The following PTPRN2 variants were observed in gnomAD, a reference collection of about 807,000 sequenced individuals.
The protein encoded by PTPRN2 is protein tyrosine phosphatase receptor type N2.
PTPRN2 carries 74 observed loss-of-function variants against 118.8 expected under a neutral mutation model. The observed-to-expected ratio is 0.62, with a 90% CI of 0.52 to 0.76. The LOEUF is 0.76. Ranked by LOEUF, PTPRN2 falls within the 30% of genes least tolerant of loss-of-function variation. The pLI is 0.00. For missense variants in PTPRN2, 1,481 were observed against 1,394.4 expected (o/e 1.06, Z -0.99); for synonymous variants, 641 against 608.0 (o/e 1.05, Z -0.80).
intron 3 of PTPRN2, among the ~76,000 whole-genome samples, chr7:158,212,931 T>C (rs1585866076): frequency 6.6e-6 from 1 of 152,166 alleles, no homozygotes; most frequent in East Asian, 1.9e-4. Flanking sequence ...AAGGGTGAAG[T>C]AGTTATGAAG....
chr7:157,873,683 C>T (rs1281360246), intron 12 of PTPRN2, among the ~76,000 whole-genome samples: 2 of 149,780 alleles, frequency 1.3e-5, no homozygotes, highest in Admixed American at 1.3e-4. Context: ...AGGTCTGTCT[C>T]GTCGTGGGGG....
At chr7:158,168,776 C>T (rs942781005) in intron 5 of PTPRN2, among the ~76,000 whole-genome samples, 13 of 152,166 alleles carry the variant, frequency 8.5e-5, no homozygotes, top group Admixed American at 7.9e-4. Flanking sequence ...AGGACATGTC[C>T]TCATCACACT....
intron 11 of PTPRN2, among the ~76,000 whole-genome samples, chr7:158,023,655 G>C (rs1807066210): frequency 6.6e-6 from 1 of 152,142 alleles, no homozygotes; most frequent in African/African-American, 2.4e-5. Context: ...TAGAGACCCT[G>C]AGCTTGCATT....
Position 157,621,416 on chromosome 7 carries a change from C to G in PTPRN2, c.2290G>C (p.Val764Leu). 8 of 1,614,118 alleles carry G rather than the reference C, an allele frequency of 5.0e-6. No homozygotes were observed. The highest frequency in any genetic ancestry group is 1.3e-5 in the African/African-American group (1 of 75,078). The change falls in exon 15 of 23, where the codon GTG (valine) becomes CTG (leucine). Residue 764 changes from valine to leucine, a missense_variant. Physicochemically the swap from Val to Leu is conservative, Grantham distance 32. Around this residue, in one of 3 missense-constraint regions of PTPRN2, gnomAD observed 362 missense variants for 384.1 expected, o/e 0.94. Coordinates refer to ENST00000389418, the MANE Select transcript of PTPRN2 (RefSeq NM_002847.5). ...AYQAEPNSSF[V>L]AQREENVPKN... ...GGCACGTTCTCCTCCCTCTGGGCCA[C>G]GAACGAGCTGTTGGGCTCCGCCTGG...
chr7:158,504,939 T>C (rs1822637213), intron 1 of PTPRN2, among the ~76,000 whole-genome samples: 1 of 152,246 alleles, frequency 6.6e-6, no homozygotes, highest in Admixed American at 6.5e-5. Flanking sequence ...GGTATATATG[T>C]AAGACTTTCA....
rs5888720 is a variant in PTPRN2, at chr7:157,549,322, CTT to C, written c.2903-305_2903-304del. Reference sequence around the variant, plus strand: ...GTACTGGTTTTCTTTTCTTTCTTTTCTTTTTTTTTTTTTTTGTGACACTTCAG... The same window carrying C: ...GTACTGGTTTTCTTTTCTTTCTTTTCTTTTTTTTTTTTTGTGACACTTCAG... On this transcript the variant is annotated intron_variant, in intron 21 of 22. Coordinates refer to ENST00000389418, the MANE Select transcript of PTPRN2 (RefSeq NM_002847.5). Among the ~76,000 whole-genome samples the C allele has an allele frequency of 6.5e-4, 90 of 139,470 alleles. 1 individual carries two copies. The highest frequency in any genetic ancestry group is 8.4e-4 in the Non-Finnish European group (54 of 64,050). 91.5% of individuals were successfully genotyped at this position (139,470 alleles called of 152,430 possible).
intron 13 of PTPRN2, among the ~76,000 whole-genome samples, chr7:157,660,405 C>T (rs1471389102): frequency 6.6e-6 from 1 of 152,128 alleles, no homozygotes; most frequent in Non-Finnish European, 1.5e-5. Context: ...GGACTGAGGT[C>T]CCTGCTGCAC....
intron 2 of PTPRN2, among the ~76,000 whole-genome samples, chr7:158,441,453 G>T (rs2129434218): frequency 6.7e-6 from 1 of 148,660 alleles, no homozygotes; most frequent in South Asian, 2.1e-4. Context: ...TGGTGGCAGT[G>T]GTGGTGATAG....
At chr7:158,106,188 T>A (rs368533577) in intron 10 of PTPRN2, among the ~76,000 whole-genome samples, 1 of 151,864 alleles carries the variant, frequency 6.6e-6, no homozygotes, top group Admixed American at 6.6e-5. Context: ...CCCTGATCTA[T>A]CTTAGCTCTA....
At chr7:157,685,842 T>A (rs1386996783) in intron 12 of PTPRN2, among the ~76,000 whole-genome samples, 1 of 152,116 alleles carries the variant, frequency 6.6e-6, no homozygotes, top group Non-Finnish European at 1.5e-5. Context: ...GGAGCCCCAG[T>A]GCCCTGGAGT....
chr7:158,307,057 G>C (rs184058491), intron 3 of PTPRN2, among the ~76,000 whole-genome samples: 1 of 151,930 alleles, frequency 6.6e-6, no homozygotes, highest in Non-Finnish European at 1.5e-5. Flanking sequence ...AGTAGAGACG[G>C]GGTTTCACCA....
intron 10 of PTPRN2, 80 bp downstream of exon 10, chr7:158,110,749 C>T: frequency 7.7e-7 from 1 of 1,303,034 alleles, no homozygotes; most frequent in Non-Finnish European, 1.1e-6. Context: ...GAGCCATGGG[C>T]TCGCAGCTCC....
chr7:158,396,400 C>CTG (rs371326690), intron 2 of PTPRN2, among the ~76,000 whole-genome samples: 96 of 152,158 alleles, frequency 6.3e-4, no homozygotes, highest in East Asian at 9.7e-4. Flanking sequence ...GAGGTGAAGT[C>CTG]TGTGTGTGTG....
At chr7:157,950,773 G>A (rs2241749) in intron 11 of PTPRN2, among the ~76,000 whole-genome samples, 35,421 of 151,962 alleles carry the variant, frequency 0.23, 5,968 homozygotes, top group East Asian at 0.46. Context: ...ATCGGATGCT[G>A]GAAGCTGTGA....
rs1810857771 is a variant in PTPRN2, at chr7:157,868,503, T to G, written c.1788+30170A>C. On this transcript the variant is annotated intron_variant, in intron 12 of 22. Coordinates refer to ENST00000389418, the MANE Select transcript of PTPRN2 (RefSeq NM_002847.5). This position sits in a 1 kb window ranked among gnomAD's most constrained non-coding sequence, Gnocchi z 5.2. ...CAGGGCTGCGCTGCTGTCTTCCAGG[T>G]CCTCCCTGGTTTAATTTAGCAAAAC... 6.6e-6 allele frequency: 1 copy of G among 152,160 alleles called. No individual in the cohort carries two copies. Among genetic ancestry groups the G allele is most frequent in the African/African-American group, 2.4e-5 (1 of 41,426 alleles). 9.4% of individuals were successfully genotyped at this position (152,160 alleles called of 1,614,324 possible).
chr7:157,552,280 G>A (rs1363171265), intron 21 of PTPRN2, among the ~76,000 whole-genome samples: 2 of 152,166 alleles, frequency 1.3e-5, no homozygotes, highest in African/African-American at 4.8e-5. Flanking sequence ...ATAGCTTCCC[G>A]ATAAAAATAA....
At chr7:158,085,298 C>T (rs1813237171) in intron 10 of PTPRN2, among the ~76,000 whole-genome samples, 2 of 134,708 alleles carry the variant, frequency 1.5e-5, no homozygotes, top group African/African-American at 2.9e-5. Context: ...ACCCACGACG[C>T]CCATCCACAC....
intron 12 of PTPRN2, among the ~76,000 whole-genome samples, chr7:157,896,934 C>T (rs552869783): frequency 2.6e-5 from 4 of 152,270 alleles, no homozygotes; most frequent in African/African-American, 9.6e-5. Context: ...CCCCGTCCCC[C>T]ACCCTTGCCC....
intron 2 of PTPRN2, among the ~76,000 whole-genome samples, chr7:158,391,513 T>C (rs759695959): frequency 5.3e-5 from 8 of 152,302 alleles, no homozygotes; most frequent in Admixed American, 2.0e-4. Flanking sequence ...TCCTGAGGCT[T>C]AAGGTCACCA....
Sources: allele counts gnomAD v4.1 joint callset (sites outside exome capture counted in the v4.1 genomes callset), GRCh38; gene constraint gnomAD v4.1.1; regional missense constraint gnomAD v4.1.1; non-coding constraint Gnocchi (gnomAD v3.1); transcripts MANE v1.5; gene names NCBI Gene and HGNC (gene_info 2026-07-23, HGNC 2026-07-21).